ACADS: variants seen among roughly 807,000 people sequenced by gnomAD.
ACADS encodes the protein acyl-CoA dehydrogenase short chain.
In ACADS, 28 loss-of-function variants were observed where a neutral mutation model predicts 46.8. The observed-to-expected ratio is 0.60, with a 90% CI of 0.44 to 0.82. ACADS has a LOEUF of 0.82. Among genes scored for constraint, ACADS ranks in the 40% least tolerant of loss-of-function variants. The probability of loss-of-function intolerance (pLI) is 0.00; values close to 1 mark genes in which losing one functional copy is unlikely to be tolerated. For synonymous variants in ACADS, 236 were observed against 237.7 expected (o/e 0.99, Z 0.07); for missense variants, 528 against 578.0 (o/e 0.91, Z 0.89).
intron 2 of ACADS, among the ~76,000 whole-genome samples, chr12:120,733,261 G>A (rs909234616): frequency 6.7e-6 from 1 of 149,784 alleles, no homozygotes; most frequent in Non-Finnish European, 1.5e-5. Context: ...GAGAGGGAGA[G>A]GGAGAATCCT....
intron 2 of ACADS, among the ~76,000 whole-genome samples, chr12:120,735,347 T>C (rs1307057456): frequency 8.5e-6 from 1 of 117,938 alleles, no homozygotes; most frequent in Non-Finnish European, 1.7e-5. Flanking sequence ...TGCGCAGTCC[T>C]TAAAAAAAAA....
rs772356030 is a variant in ACADS at position 120,738,162 on chromosome 12, G to A, written c.625-118G>A. On this transcript the variant is annotated intron_variant, in intron 5 of 9. Transcript: ENST00000242592. Reference sequence around the variant, plus strand: ...CACCTTCCCCAGAAGCCGGCAGAGGGTGTCAAGGCCTGAGCTTCTGAGGGA... The same window carrying A: ...CACCTTCCCCAGAAGCCGGCAGAGGATGTCAAGGCCTGAGCTTCTGAGGGA... 3.8e-6 allele frequency: 6 copies of A among 1,578,564 alleles called. No homozygotes were observed. The East Asian group carries it at 1.2e-4, about 31-fold the overall frequency.
intron 2 of ACADS, among the ~76,000 whole-genome samples, chr12:120,735,689 G>A (rs531026755): frequency 6.6e-4 from 100 of 151,864 alleles, no homozygotes; most frequent in African/African-American, 1.4e-3. Flanking sequence ...TCACGAGGTC[G>A]GGAGTTCAAG....
intron 2 of ACADS, among the ~76,000 whole-genome samples, chr12:120,729,227 T>C (rs1428919974): frequency 6.6e-6 from 1 of 152,094 alleles, no homozygotes; most frequent in Non-Finnish European, 1.5e-5. Flanking sequence ...AACCCATTTT[T>C]TTCCCTTGAC....
Position 120,728,473 on chromosome 12 carries a change from GTTTT to G in ACADS, c.210+1292_210+1295del, listed in dbSNP as rs36103003. Among the ~76,000 whole-genome samples the G allele has an allele frequency of 2.7e-4, 39 of 144,432 alleles. No individual in the cohort carries two copies. Among genetic ancestry groups the G allele is most frequent in the Non-Finnish European group, 4.2e-4 (28 of 66,054 alleles). The allele number at this position is 144,432 out of a possible 152,430, so 94.8% of individuals were successfully genotyped here. On this transcript the variant is annotated intron_variant, in intron 2 of 9. Coordinates refer to ENST00000242592, the MANE Select transcript of ACADS (RefSeq NM_000017.4). The surrounding 1 kb of genome is among the most constrained non-coding windows in gnomAD (Gnocchi z 4.0). ...CCTCTCCGGCCTCTTCTCCTTGCCT[GTTTT>G]TTTTTTTAATTTTAATTTTAATTTA...
chr12:120,737,665 T>G (rs1432349092), intron 4 of ACADS, 172 bp from the exon 5 acceptor site: 1 of 1,116,382 alleles, frequency 9.0e-7, no homozygotes, highest in Non-Finnish European at 1.3e-6. Flanking sequence ...CGCCAGCTCC[T>G]GCACACCCCC....
At chr12:120,730,049 C>G (rs1883204674) in intron 2 of ACADS, among the ~76,000 whole-genome samples, 1 of 152,072 alleles carries the variant, frequency 6.6e-6, no homozygotes, top group Non-Finnish European at 1.5e-5. Context: ...GTGGTGCGAT[C>G]TCGGCTCACT....
At chr12:120,732,698 T>C (rs1367612049) in intron 2 of ACADS, among the ~76,000 whole-genome samples, 68 of 142,454 alleles carry the variant, frequency 4.8e-4, no homozygotes, top group African/African-American at 1.7e-3. Flanking sequence ...ACTTCCTAGA[T>C]GGGATGGCGG....
intron 4 of ACADS, 166 bp from the exon 5 acceptor site, chr12:120,737,671 C>G (rs1176475746): frequency 1.5e-5 from 17 of 1,118,100 alleles, no homozygotes; most frequent in Non-Finnish European, 2.0e-5. Context: ...CTCCTGCACA[C>G]CCCCCTCGCC....
chr12:120,739,548 TG>T lies in ACADS; in HGVS notation c.*104del. 5.5e-6 allele frequency: 8 copies of T among 1,441,534 alleles called. No individual in the cohort carries two copies. The highest frequency in any genetic ancestry group is 1.2e-5 in the South Asian group (1 of 80,464). 89.3% of individuals were successfully genotyped at this position (1,441,534 alleles called of 1,614,324 possible). On this transcript the variant is annotated 3_prime_UTR_variant, in exon 10 of 10. Coordinates refer to ENST00000242592, the MANE Select transcript of ACADS (RefSeq NM_000017.4). Reference sequence around the variant, plus strand: ...ACTGGGCGGCCCGGCGGGGGCTCCCTGGGGACCCCAGATGGGCTCAGTGCTG... The same window carrying T: ...ACTGGGCGGCCCGGCGGGGGCTCCCTGGGACCCCAGATGGGCTCAGTGCTG...
At chr12:120,729,561 T>C (rs1264582007) in intron 2 of ACADS, among the ~76,000 whole-genome samples, 14 of 152,108 alleles carry the variant, frequency 9.2e-5, no homozygotes. Context: ...TAATTATATT[T>C]TGGGTTTCTC....
In ACADS at chr12:120,738,802, G is replaced by C. The variant is rs371199821; in HGVS notation, c.934-18G>C. The C allele has an allele frequency of 1.1e-5, 18 of 1,613,774 alleles. No individual in the cohort carries two copies. In the East Asian group the frequency reaches 2.2e-4, roughly 20 times the overall value. On this transcript the variant is annotated intron_variant, in intron 7 of 9. Transcript: ENST00000242592. ...AGGGGCAGCTGCTGACCTGTGGTGTGGGGTGGGGCTATTGCAGTTCAAGTT... is the reference window on the plus strand; with the variant it reads ...AGGGGCAGCTGCTGACCTGTGGTGTCGGGTGGGGCTATTGCAGTTCAAGTT...
Position 120,739,796 on chromosome 12 carries a change from T to C in ACADS, c.*348T>C, listed in dbSNP as rs1883601764. 3 of 343,612 alleles carry C rather than the reference T, an allele frequency of 8.7e-6. No individual in the cohort carries two copies. The highest frequency in any genetic ancestry group is 1.7e-5 in the Non-Finnish European group (3 of 180,440). The allele number at this position is 343,612 out of a possible 1,614,324, so 21.3% of individuals were successfully genotyped here. A position where few individuals can be genotyped will look rare whatever the true frequency, so the allele number is the denominator to read the frequency against. ...CATGAAGGCCCAGTGCGACAGGCCC[T>C]TGGTGGGGTCTGTCTTTTCCTTGAG... On this transcript the variant is annotated 3_prime_UTR_variant, in exon 10 of 10. Transcript: ENST00000242592.
rs1592939695 is a variant in ACADS at position 120,737,346 on chromosome 12, G to C, written c.361-10G>C. ...CTGGGGCCTCCGACCGCTCCCCGCT[G>C]TCCTCCTAGTCTCTCTACCTGGGGC... On this transcript the variant is annotated splice_polypyrimidine_tract_variant and intron_variant, in intron 3 of 9. Transcript: ENST00000242592. 7 of 1,613,150 alleles carry C rather than the reference G, an allele frequency of 4.3e-6. No individual in the cohort carries two copies. The highest frequency in any genetic ancestry group is 1.7e-4 in the Middle Eastern group (1 of 6,044).
chr12:120,725,954 C>T (rs1252266046), intron 1 of ACADS, 23 bp downstream of exon 1: 2 of 1,527,766 alleles, frequency 1.3e-6, no homozygotes, highest in East Asian at 5.1e-5. Context: ...GGGATCCGTA[C>T]GGCGGGGCTT....
chr12:120,737,487 A>G lies in ACADS; in HGVS notation c.472+20A>G. 1 of 1,597,998 alleles carries G rather than the reference A, an allele frequency of 6.3e-7. No individual in the cohort carries two copies. Among genetic ancestry groups the G allele is most frequent in the East Asian group, 2.2e-5 (1 of 44,786 alleles). The stretch of plus-strand genomic sequence containing the variant: ...AACCAGGTACCTGCCCTGTCCCCTC[A>G]CCTGTCCTTAGGGTGACAGGCCCAG... On this transcript the variant is annotated intron_variant, in intron 4 of 9. Coordinates refer to ENST00000242592, the MANE Select transcript of ACADS (RefSeq NM_000017.4).
rs373999618 is a variant in ACADS at position 120,738,052 on chromosome 12, C to T, written c.624+64C>T. 1.1e-4 allele frequency: 184 copies of T among 1,608,784 alleles called. 1 individual carries two copies. The South Asian group carries it at 1.9e-3, about 16-fold the overall frequency. ...CTGCTGTCATTTCTGTTTCTAGGGC[C>T]TTCTCTCCTTGGCCCGACTGGACCT... On this transcript the variant is annotated intron_variant, in intron 5 of 9. Transcript: ENST00000242592.
At chr12:120,735,348 T>TAAA (rs756263687) in intron 2 of ACADS, among the ~76,000 whole-genome samples, 9 of 72,262 alleles carry the variant, frequency 1.2e-4, no homozygotes, top group South Asian at 6.0e-4. Flanking sequence ...GCGCAGTCCT[T>TAAA]AAAAAAAAAA....
intron 2 of ACADS, among the ~76,000 whole-genome samples, chr12:120,729,029 C>A (rs1883175962): frequency 6.6e-6 from 1 of 152,134 alleles, no homozygotes; most frequent in Admixed American, 6.5e-5. Context: ...GTCAGGGTTG[C>A]TGGGTCACAG....
Sources: gnomAD v4.1 joint callset for allele counts (sites outside exome capture counted in the v4.1 genomes callset) on GRCh38, gnomAD v4.1.1 for gene constraint, Gnocchi (gnomAD v3.1) non-coding constraint, MANE v1.5 for transcripts, NCBI Gene and HGNC (gene_info 2026-07-23, HGNC 2026-07-21) for gene names.